GRM4: variants seen among roughly 807,000 people sequenced by gnomAD.
GRM4 encodes the protein glutamate metabotropic receptor 4, also known as metabotropic glutamate receptor 4.
GRM4 carries 28 observed loss-of-function variants against 81.7 expected under a neutral mutation model. That is an observed-to-expected ratio of 0.34 (90% CI 0.25 to 0.47). The LOEUF is 0.47. Among genes scored for constraint, GRM4 ranks in the 20% least tolerant of loss-of-function variants. The pLI is 1.00. For synonymous variants in GRM4, 488 were observed against 528.8 expected, an observed-to-expected ratio of 0.92 and a Z score of 1.06; for missense variants, 948 against 1,290.0, an observed-to-expected ratio of 0.73 and a Z score of 4.06.
intron 3 of GRM4, among the ~76,000 whole-genome samples, chr6:34,076,088 T>G (rs3123366): frequency 0.083 from 12,665 of 152,294 alleles, 1,097 homozygotes; most frequent in African/African-American, 0.21. Context: ...GCCAGGGTTA[T>G]AGGCCAGCAG....
At position 34,089,970 on chromosome 6, in the gene GRM4, G is replaced by A. The variant is rs1375707005; in HGVS notation, c.736+1913C>T. 7.9e-5 allele frequency among the ~76,000 whole-genome samples: 12 copies of A among 152,192 alleles called. 1 individual carries two copies. Among genetic ancestry groups the A allele is most frequent in the Non-Finnish European group, 1.0e-4 (7 of 68,020 alleles). On this transcript the variant is annotated intron_variant, in intron 3 of 10. Transcript: ENST00000538487. The surrounding 1 kb of genome is among the most constrained non-coding windows in gnomAD (Gnocchi z 4.3). ...AAGACAAGAGTACAGAAACAGATGAGACCTCTAGTTCCGGAGCCAGCCATC... is the reference window on the plus strand; with the variant it reads ...AAGACAAGAGTACAGAAACAGATGAAACCTCTAGTTCCGGAGCCAGCCATC...
At chr6:34,062,712 G>A (rs530769021) in intron 3 of GRM4, 3 of 151,128 alleles carry the variant, frequency 2.0e-5, no homozygotes, top group East Asian at 2.0e-4. Flanking sequence ...ATCAGGAGAG[G>A]GTCAGTACTT....
chr6:34,146,038 G>C lies in GRM4; in HGVS notation c.-402C>G. 1 of 985,414 alleles carries C rather than the reference G, an allele frequency of 1.0e-6. No homozygotes were observed. Among genetic ancestry groups the C allele is most frequent in the Non-Finnish European group, 1.2e-6 (1 of 829,922 alleles). The allele number at this position is 985,414 out of a possible 1,614,324, so 61.0% of individuals were successfully genotyped here. A position where few individuals can be genotyped will look rare whatever the true frequency, so the allele number is the denominator to read the frequency against. On this transcript the variant is annotated 5_prime_UTR_variant, in exon 1 of 11. Coordinates refer to ENST00000538487, the MANE Select transcript of GRM4 (RefSeq NM_000841.4). The stretch of plus-strand genomic sequence containing the variant: ...CGGGGACCCCTTCTCACCCCAGAGG[G>C]GGAGGGTCAGGAACATAGCCTCCCT...
At chr6:34,142,668 A>G (rs1770739684) in intron 1 of GRM4, among the ~76,000 whole-genome samples, 1 of 152,166 alleles carries the variant, frequency 6.6e-6, no homozygotes, top group Non-Finnish European at 1.5e-5. Flanking sequence ...CCTTCTGGCT[A>G]GCACACTGCT....
In GRM4 at chr6:34,035,118, G is replaced by C. The variant is rs1341596222; in HGVS notation, c.2442+550C>G. On this transcript the variant is annotated intron_variant, in intron 9 of 10. Transcript: ENST00000538487. The surrounding 1 kb of genome is among the most constrained non-coding windows in gnomAD (Gnocchi z 6.6). ...TAGATGGAGGAGGGAGAAGAGAGGA[G>C]TGAACCAAAAGGAAGACAGGGTTGA... Among the ~76,000 whole-genome samples, 2 of 152,078 alleles carry C rather than the reference G, an allele frequency of 1.3e-5. No homozygotes were observed. The highest frequency in any genetic ancestry group is 2.9e-5 in the Non-Finnish European group (2 of 68,020).
rs1486536138 is a variant in GRM4 at position 34,019,242 on chromosome 6, G to A, written c.*3579C>T. 1 of 152,288 alleles carries A rather than the reference G, an allele frequency of 6.6e-6. No homozygotes were observed. Among genetic ancestry groups the A allele is most frequent in the Non-Finnish European group, 1.5e-5 (1 of 68,104 alleles). 9.4% of individuals were successfully genotyped at this position (152,288 alleles called of 1,614,324 possible). On this transcript the variant is annotated 3_prime_UTR_variant, in exon 11 of 11. Transcript: ENST00000538487. ...CCCCTCAGAGCCGGAAGGGACCTGAGACTCTGCTCCTGAGGTGGGTCTCCC... is the reference window on the plus strand; with the variant it reads ...CCCCTCAGAGCCGGAAGGGACCTGAAACTCTGCTCCTGAGGTGGGTCTCCC...
At chr6:34,147,002 G>T (rs1011281222), upstream of GRM4, among the ~76,000 whole-genome samples, 1 of 152,112 alleles carries the variant, frequency 6.6e-6, no homozygotes, top group Non-Finnish European at 1.5e-5. Flanking sequence ...ACCACATCTC[G>T]TTCAGCATCA....
intron 9 of GRM4, among the ~76,000 whole-genome samples, chr6:34,033,699 T>G (rs201376731): frequency 2.7e-5 from 3 of 110,950 alleles, no homozygotes; most frequent in African/African-American, 6.1e-5. Flanking sequence ...CTCTCTCTCT[T>G]TCTCTTTCTT....
At position 34,133,694 on chromosome 6, in the gene GRM4, G is replaced by A; in HGVS notation, c.-198C>T. 7.5e-7 allele frequency: 1 copy of A among 1,341,004 alleles called. No individual in the cohort carries two copies. Among genetic ancestry groups the A allele is most frequent in the Admixed American group, 3.5e-5 (1 of 28,284 alleles). The allele number at this position is 1,341,004 out of a possible 1,614,324, so 83.1% of individuals were successfully genotyped here. A position where few individuals can be genotyped will look rare whatever the true frequency, so the allele number is the denominator to read the frequency against. On this transcript the variant is annotated 5_prime_UTR_variant, in exon 2 of 11. Coordinates refer to ENST00000538487, the MANE Select transcript of GRM4 (RefSeq NM_000841.4). The surrounding 1 kb of genome is among the most constrained non-coding windows in gnomAD (Gnocchi z 6.5). ...CAAGCACAGTTGCCCGCACAGTCCA[G>A]GCCCACAGACAGCAGGCAGTGGCCG...
intron 2 of GRM4, among the ~76,000 whole-genome samples, chr6:34,118,093 C>T (rs1050700256): frequency 6.6e-6 from 1 of 152,292 alleles, no homozygotes; most frequent in African/African-American, 2.4e-5. Flanking sequence ...AGAAAAAGGG[C>T]TGGAAGGAAA....
At position 34,035,787 on chromosome 6, in the gene GRM4, G is replaced by A. The variant is rs762666490; in HGVS notation, c.2323C>T (p.Arg775Cys). ...VTCTVYAIKT[R>C]GVPETFNEAK... ...TCATTGAAGGTCTCGGGCACGCCGC[G>A]TGTCTTGATGGCATACACGGTGCAC... Residue 775 changes from arginine to cysteine, a missense_variant, in exon 9 of 11, where the codon CGC becomes TGC. By Grantham distance (180) the Arg-to-Cys change is radical. Coordinates refer to ENST00000538487, the MANE Select transcript of GRM4 (RefSeq NM_000841.4). This position sits in a 1 kb window ranked among gnomAD's most constrained non-coding sequence, Gnocchi z 6.6. The A allele has an allele frequency of 3.1e-6, 5 of 1,613,710 alleles. No homozygotes were observed. The highest frequency in any genetic ancestry group is 1.1e-5 in the South Asian group (1 of 91,074).
Position 34,042,314 on chromosome 6 carries a change from G to T in GRM4, c.1169-1566C>A, listed in dbSNP as rs907919388. On this transcript the variant is annotated intron_variant, in intron 6 of 10. Transcript: ENST00000538487. The surrounding 1 kb of genome is among the most constrained non-coding windows in gnomAD (Gnocchi z 4.2). ...ACAGAAAAGCTCAGTAACATTCCAC[G>T]ACTATGAAAAGCTGATGTGAACCCA... Among the ~76,000 whole-genome samples the T allele has an allele frequency of 7.2e-5, 11 of 152,118 alleles. No individual in the cohort carries two copies. The highest frequency in any genetic ancestry group is 2.2e-4 in the African/African-American group (9 of 41,412).
rs1404058761 is a variant in GRM4 at position 34,035,611 on chromosome 6, G to GC, written c.2442+56dup. The GC allele has an allele frequency of 1.8e-6, 2 of 1,091,844 alleles. No individual in the cohort carries two copies. The highest frequency in any genetic ancestry group is 2.6e-6 in the Non-Finnish European group (2 of 755,816). The allele number at this position is 1,091,844 out of a possible 1,614,324, so 67.6% of individuals were successfully genotyped here. A position where few individuals can be genotyped will look rare whatever the true frequency, so the allele number is the denominator to read the frequency against. On this transcript the variant is annotated intron_variant, in intron 9 of 10. Coordinates refer to ENST00000538487, the MANE Select transcript of GRM4 (RefSeq NM_000841.4). The surrounding 1 kb of genome is among the most constrained non-coding windows in gnomAD (Gnocchi z 6.6). ...GGAGGCCAGCCAGCCTCAGGAGGCT[G>GC]CCCCTTGCTCACTGCCCTCACCTAC...
rs71567417 is a variant in GRM4 at position 34,078,525 on chromosome 6, G to A, written c.736+13358C>T. Among the ~76,000 whole-genome samples, 5 of 151,860 alleles carry A rather than the reference G, an allele frequency of 3.3e-5. No individual in the cohort carries two copies. The highest frequency in any genetic ancestry group is 4.8e-5 in the African/African-American group (2 of 41,278). ...CCCACCTCCACCTTTCTATCTCACC[G>A]TCCTCTCTGCTTCCTGCCTTCTGGG... On this transcript the variant is annotated intron_variant, in intron 3 of 10. Transcript: ENST00000538487. The surrounding 1 kb of genome is among the most constrained non-coding windows in gnomAD (Gnocchi z 4.8).
Position 34,136,538 on chromosome 6 carries a change from G to A in GRM4, c.-363-2679C>T, listed in dbSNP as rs78973972. On this transcript the variant is annotated intron_variant, in intron 1 of 10. Transcript: ENST00000538487. This position sits in a 1 kb window ranked among gnomAD's most constrained non-coding sequence, Gnocchi z 4.1. ...CTCCTTGAGGCCGGAGCACGTCTGGGCTGAGCAGTGCATGCGCGCGTGCGG... is the reference window on the plus strand; with the variant it reads ...CTCCTTGAGGCCGGAGCACGTCTGGACTGAGCAGTGCATGCGCGCGTGCGG... 4.3e-3 allele frequency among the ~76,000 whole-genome samples: 645 copies of A among 149,482 alleles called. 8 individuals are homozygous for A. The highest frequency in any genetic ancestry group is 0.015 in the African/African-American group (593 of 40,476).
chr6:34,046,412 A>G (rs183556475), intron 6 of GRM4, among the ~76,000 whole-genome samples: 25 of 152,320 alleles, frequency 1.6e-4, no homozygotes, highest in African/African-American at 6.0e-4. Context: ...GAAGTCCCCA[A>G]GCAGATGCTG....
chr6:34,091,176 G>T (rs1258125385), intron 3 of GRM4, among the ~76,000 whole-genome samples: 1 of 152,212 alleles, frequency 6.6e-6, no homozygotes, highest in South Asian at 2.1e-4. Flanking sequence ...CTGCTCCCGG[G>T]CCCTGCTAGG....
intron 2 of GRM4, among the ~76,000 whole-genome samples, chr6:34,100,600 G>C (rs1768782660): frequency 6.6e-6 from 1 of 152,228 alleles, no homozygotes; most frequent in Non-Finnish European, 1.5e-5. Context: ...CACCCACTGA[G>C]TGCTCTGCAT....
rs2451359 is a variant in GRM4, at chr6:34,059,161, C to T, written c.873-33G>A. ...AACATACACCAGCCCAGCCCAGCCGCGTCTGTCCACGAAACTGCCCCCACT... is the reference window on the plus strand; with the variant it reads ...AACATACACCAGCCCAGCCCAGCCGTGTCTGTCCACGAAACTGCCCCCACT... On this transcript the variant is annotated intron_variant, in intron 4 of 10. Coordinates refer to ENST00000538487, the MANE Select transcript of GRM4 (RefSeq NM_000841.4). This position sits in a 1 kb window ranked among gnomAD's most constrained non-coding sequence, Gnocchi z 5.7. The T allele has an allele frequency of 0.93, 1,500,826 of 1,608,888 alleles. 700,587 individuals carry two copies. The highest frequency in any genetic ancestry group is 1 in the East Asian group (44,741 of 44,848).
Sources: gnomAD v4.1 joint callset for allele counts (sites outside exome capture counted in the v4.1 genomes callset) on GRCh38, gnomAD v4.1.1 for gene constraint, Gnocchi (gnomAD v3.1) non-coding constraint, MANE v1.5 for transcripts, NCBI Gene and HGNC (gene_info 2026-07-23, HGNC 2026-07-21) for gene names.